The following ADGRB3 variants were observed in gnomAD, a reference collection of about 807,000 sequenced individuals.
ADGRB3 encodes the protein adhesion G protein-coupled receptor B3.
A neutral mutation model predicts 193.4 loss-of-function variants in ADGRB3; 37 were observed. The observed-to-expected ratio is 0.19, with a 90% CI of 0.15 to 0.25. The LOEUF is 0.25. Among genes scored for constraint, ADGRB3 ranks in the 10% least tolerant of loss-of-function variants. ADGRB3 has a pLI of 1.00. For missense variants in ADGRB3, 1,637 were observed against 1,852.9 expected (o/e 0.88, Z 2.14); for synonymous variants, 690 against 644.2 (o/e 1.07, Z -1.08).
At position 68,704,630 on chromosome 6, in the gene ADGRB3, A is replaced by G. The variant is rs191658586; in HGVS notation, c.757+65198A>G. On this transcript the variant is annotated intron_variant, in intron 3 of 31. Transcript: ENST00000370598. ...GTGTACATATTTGCTCTAAAAAGAAAACAAACAAGAACTTTGAAATGTCCA... is the reference window on the plus strand; with the variant it reads ...GTGTACATATTTGCTCTAAAAAGAAGACAAACAAGAACTTTGAAATGTCCA... 3.2e-3 allele frequency among the ~76,000 whole-genome samples: 494 copies of G among 152,298 alleles called. 3 individuals are homozygous for G. The highest frequency in any genetic ancestry group is 0.011 in the African/African-American group (471 of 41,568).
intron 20 of ADGRB3, among the ~76,000 whole-genome samples, chr6:69,240,994 T>G (rs1012797850): frequency 2.6e-5 from 4 of 151,930 alleles, no homozygotes; most frequent in Non-Finnish European, 4.4e-5. Flanking sequence ...TTTTCTGCCA[T>G]TTTTTACTCT....
chr6:69,280,955 C>T (rs1231843078), intron 20 of ADGRB3, among the ~76,000 whole-genome samples: 1 of 152,178 alleles, frequency 6.6e-6, no homozygotes, highest in Non-Finnish European at 1.5e-5. Flanking sequence ...TTCTATCAAA[C>T]TAAAATGTCC....
chr6:68,837,727 C>T (rs1768072093), intron 3 of ADGRB3, among the ~76,000 whole-genome samples: 1 of 152,064 alleles, frequency 6.6e-6, no homozygotes, highest in South Asian at 2.1e-4. Flanking sequence ...GTTTGTTGAT[C>T]TGGAGGGGAA....
intron 17 of ADGRB3, among the ~76,000 whole-genome samples, chr6:69,190,837 T>A (rs1342634720): frequency 6.6e-6 from 1 of 152,198 alleles, no homozygotes; most frequent in East Asian, 1.9e-4. Flanking sequence ...ACACAAATAC[T>A]TATAATTATG....
chr6:69,281,912 C>G (rs1052948975), intron 20 of ADGRB3, among the ~76,000 whole-genome samples: 3 of 152,088 alleles, frequency 2.0e-5, no homozygotes, highest in African/African-American at 7.2e-5. Context: ...TAGCTTTTTT[C>G]AGAATTTATT....
intron 24 of ADGRB3, among the ~76,000 whole-genome samples, chr6:69,336,410 AT>A (rs35946396): frequency 0.064 from 9,504 of 148,220 alleles, 347 homozygotes; most frequent in Admixed American, 0.11. Flanking sequence ...ATTTCATGTG[AT>A]TTTTTTTTTT....
At chr6:68,993,553 C>A (rs1199067334) in intron 10 of ADGRB3, among the ~76,000 whole-genome samples, 1 of 152,092 alleles carries the variant, frequency 6.6e-6, no homozygotes, top group Non-Finnish European at 1.5e-5. Flanking sequence ...GTTTGTCAAG[C>A]CTGCCGAAAA....
At chr6:69,071,902 G>C (rs1231433507) in intron 16 of ADGRB3, among the ~76,000 whole-genome samples, 1 of 151,958 alleles carries the variant, frequency 6.6e-6, no homozygotes, top group Non-Finnish European at 1.5e-5. Context: ...TCTCATTATT[G>C]ATTTTCTGTA....
chr6:69,240,469 A>C (rs1234618795), intron 20 of ADGRB3, among the ~76,000 whole-genome samples: 1 of 152,046 alleles, frequency 6.6e-6, no homozygotes, highest in Non-Finnish European at 1.5e-5. Context: ...AGACTATTAA[A>C]ATATAGTTCA....
At chr6:68,932,263 G>T (rs1200173659) in intron 4 of ADGRB3, among the ~76,000 whole-genome samples, 1 of 152,172 alleles carries the variant, frequency 6.6e-6, no homozygotes, top group East Asian at 1.9e-4. Flanking sequence ...AATGGAAAAT[G>T]ATAGTTTTAA....
chr6:69,209,936 T>A lies in ADGRB3; in HGVS notation c.2481-23354T>A, dbSNP rs143742612. Among the ~76,000 whole-genome samples, 391 of 150,712 alleles carry A rather than the reference T, an allele frequency of 2.6e-3. 1 individual carries two copies. Among genetic ancestry groups the A allele is most frequent in the African/African-American group, 9.4e-3 (385 of 40,882 alleles). On this transcript the variant is annotated intron_variant, in intron 17 of 31. Transcript: ENST00000370598. ...GTTCTCCATACTATTAGAAGAAGAG[T>A]CCTTAGTATTTTGAGGTCTAATCAT...
At chr6:68,769,497 A>C (rs1410687270) in intron 3 of ADGRB3, among the ~76,000 whole-genome samples, 1 of 152,112 alleles carries the variant, frequency 6.6e-6, no homozygotes, top group Non-Finnish European at 1.5e-5. Context: ...ATGAGAACAC[A>C]TGGACACAGG....
intron 8 of ADGRB3, among the ~76,000 whole-genome samples, chr6:68,958,623 G>A (rs1338182911): frequency 2.0e-5 from 3 of 151,722 alleles, no homozygotes; most frequent in Non-Finnish European, 4.4e-5. Flanking sequence ...TATTTGCCGG[G>A]CTTGTTTGCT....
At chr6:69,276,656 T>A (rs532719919) in intron 20 of ADGRB3, among the ~76,000 whole-genome samples, 20 of 152,284 alleles carry the variant, frequency 1.3e-4, no homozygotes, top group African/African-American at 4.8e-4. Context: ...CAGTGGATGA[T>A]CTCAGGGCTT....
intron 3 of ADGRB3, among the ~76,000 whole-genome samples, chr6:68,927,361 G>T (rs1274121014): frequency 9.9e-5 from 15 of 151,976 alleles, no homozygotes; most frequent in Admixed American, 9.8e-4. Context: ...TATTCAGAAA[G>T]CCTACTATGC....
intron 3 of ADGRB3, among the ~76,000 whole-genome samples, chr6:68,902,636 A>T (rs951737958): frequency 2.0e-5 from 3 of 152,116 alleles, no homozygotes; most frequent in Admixed American, 6.5e-5. Context: ...GGCCATAAAA[A>T]AGCCAATAAT....
chr6:69,082,857 T>G (rs1216794244), intron 17 of ADGRB3, among the ~76,000 whole-genome samples: 1 of 152,186 alleles, frequency 6.6e-6, no homozygotes, highest in Non-Finnish European at 1.5e-5. Context: ...AACAAACTAT[T>G]GGTGAGAATT....
At chr6:68,862,757 A>G (rs1413771005) in intron 3 of ADGRB3, among the ~76,000 whole-genome samples, 8 of 152,134 alleles carry the variant, frequency 5.3e-5, no homozygotes, top group Non-Finnish European at 1.0e-4. Context: ...CACTAAGGCT[A>G]TCACTTTTAC....
At chr6:68,902,061 C>G (rs1766409119) in intron 3 of ADGRB3, among the ~76,000 whole-genome samples, 1 of 151,940 alleles carries the variant, frequency 6.6e-6, no homozygotes, top group Non-Finnish European at 1.5e-5. Flanking sequence ...CACTCCAAAC[C>G]TTTTATCACT....
Sources: allele counts gnomAD v4.1 joint callset (sites outside exome capture counted in the v4.1 genomes callset), GRCh38; gene constraint gnomAD v4.1.1; transcripts MANE v1.5; gene names NCBI Gene and HGNC (gene_info 2026-07-23, HGNC 2026-07-21).